The following ARHGAP11B variants were observed in gnomAD, a reference collection of about 807,000 sequenced individuals.
ARHGAP11B encodes the protein Rho GTPase activating protein 11B.
Under a neutral mutation model 27.6 loss-of-function variants are expected in ARHGAP11B, and 14 were observed. The ratio of observed to expected loss-of-function variants is 0.51; its 90% confidence interval spans 0.34 to 0.79. The LOEUF is 0.79. Ranked by LOEUF, ARHGAP11B falls within the 30% of genes least tolerant of loss-of-function variation. The probability of loss-of-function intolerance (pLI) is 0.02; values close to 1 mark genes in which losing one functional copy is unlikely to be tolerated. For synonymous variants in ARHGAP11B, 82 were observed against 114.1 expected, an observed-to-expected ratio of 0.72 and a Z score of 1.80; for missense variants, 245 against 320.1, an observed-to-expected ratio of 0.77 and a Z score of 1.79.
intron 7 of ARHGAP11B, among the ~76,000 whole-genome samples, chr15:30,640,017 GACA>G (rs1406897263): frequency 7.7e-6 from 1 of 129,362 alleles, no homozygotes; most frequent in East Asian, 2.3e-4. Flanking sequence ...TGTGTGTTAT[GACA>G]ACATCTATTG....
intron 1 of ARHGAP11B, among the ~76,000 whole-genome samples, chr15:30,629,363 G>C (rs1020210690): frequency 1.9e-5 from 2 of 105,230 alleles, no homozygotes; most frequent in Non-Finnish European, 4.4e-5. Flanking sequence ...CTAACACGGT[G>C]AACCCCCCCC....
chr15:30,646,674 A>AC (rs1555370621), intron 9 of ARHGAP11B, among the ~76,000 whole-genome samples: 34 of 150,144 alleles, frequency 2.3e-4, no homozygotes, highest in Admixed American at 4.6e-4. Context: ...AAAAAAAAAA[A>AC]ATATGTGAAA....
intron 4 of ARHGAP11B, among the ~76,000 whole-genome samples, chr15:30,634,747 T>C (rs980493023): frequency 6.6e-6 from 1 of 151,442 alleles, no homozygotes; most frequent in Non-Finnish European, 1.5e-5. Flanking sequence ...CTGCTGTCAG[T>C]GAGCCTGCTT....
intron 9 of ARHGAP11B, chr15:30,647,543 T>C (rs2060358114): frequency 1.2e-5 from 2 of 165,166 alleles, no homozygotes; most frequent in Non-Finnish European, 2.9e-5. Context: ...AATATCATTT[T>C]TGGTATACAG....
intron 1 of ARHGAP11B, among the ~76,000 whole-genome samples, 181 bp from the exon 2 acceptor site, chr15:30,630,522 T>TG (rs2140890735): frequency 6.6e-6 from 1 of 152,160 alleles, no homozygotes; most frequent in Admixed American, 6.5e-5. Flanking sequence ...CAGCATACTA[T>TG]CTAATATAGT....
intron 2 of ARHGAP11B, 121 bp downstream of exon 2, chr15:30,630,894 A>G (rs945706148): frequency 1.9e-6 from 3 of 1,545,174 alleles, no homozygotes; most frequent in African/African-American, 2.8e-5. Flanking sequence ...AGCCTGGGCA[A>G]CATGGTGAGA....
intron 7 of ARHGAP11B, among the ~76,000 whole-genome samples, chr15:30,643,029 G>C (rs2060324440): frequency 6.6e-6 from 1 of 151,946 alleles, no homozygotes; most frequent in African/African-American, 2.4e-5. Context: ...ATGGTGTGCA[G>C]TACCCTGATT....
chr15:30,644,623 T>G, intron 7 of ARHGAP11B: 1 of 1,475,562 alleles, frequency 6.8e-7, no homozygotes, highest in South Asian at 1.2e-5. Flanking sequence ...AAAGGTTTTA[T>G]TTTTTTTAAC....
At chr15:30,641,818 G>A (rs2060317539) in intron 7 of ARHGAP11B, among the ~76,000 whole-genome samples, 1 of 151,792 alleles carries the variant, frequency 6.6e-6, no homozygotes, top group African/African-American at 2.4e-5. Flanking sequence ...CGATGTTCAA[G>A]TGATTCTTGT....
At position 30,636,147 on chromosome 15, in the gene ARHGAP11B, G is replaced by C. The variant is rs2060278534; in HGVS notation, c.*3+514G>C. On this transcript the variant is annotated intron_variant, in intron 6 of 10. Transcript: ENST00000428041. Reference sequence around the variant, plus strand: ...TTAACCTGGGTGTTGGTGAATCATTGAAGATTTATGATGTGAGGCATGATA... The same window carrying C: ...TTAACCTGGGTGTTGGTGAATCATTCAAGATTTATGATGTGAGGCATGATA... 2.6e-5 allele frequency among the ~76,000 whole-genome samples: 4 copies of C among 151,580 alleles called. No individual in the cohort carries two copies. The South Asian group carries it at 8.3e-4, about 32-fold the overall frequency.
At chr15:30,631,863 C>T (rs1448905549) in intron 2 of ARHGAP11B, among the ~76,000 whole-genome samples, 3 of 149,918 alleles carry the variant, frequency 2.0e-5, no homozygotes, top group South Asian at 2.1e-4. Context: ...CTCGGCTCAC[C>T]GCAACCTTCA....
intron 7 of ARHGAP11B, chr15:30,644,494 A>C: frequency 2.0e-6 from 1 of 503,078 alleles, no homozygotes; most frequent in Non-Finnish European, 3.6e-6. Flanking sequence ...TAATCTGAAA[A>C]GGCATCGTTC....
chr15:30,646,599 C>G (rs1478969248), intron 9 of ARHGAP11B, among the ~76,000 whole-genome samples: 1 of 151,362 alleles, frequency 6.6e-6, no homozygotes, highest in Non-Finnish European at 1.5e-5. Flanking sequence ...GGGCGCGGAG[C>G]CTGCAGTGAG....
chr15:30,634,911 T>C (rs1039082700), intron 4 of ARHGAP11B, among the ~76,000 whole-genome samples, 169 bp from the exon 5 acceptor site: 1 of 151,800 alleles, frequency 6.6e-6, no homozygotes, highest in Non-Finnish European at 1.5e-5. Context: ...AGAGAGGCTA[T>C]ATATTTCTGG....
chr15:30,630,756 A>T, exon 2 of ARHGAP11B: 3 of 1,611,338 alleles, frequency 1.9e-6, no homozygotes, highest in Non-Finnish European at 2.5e-6. Context: ...CTGTACCAGA[A>T]TATGGACACA....
At chr15:30,644,519 A>G (rs1453474446) in intron 7 of ARHGAP11B, 1 of 580,626 alleles carries the variant, frequency 1.7e-6, no homozygotes, top group Non-Finnish European at 3.1e-6. Flanking sequence ...TGTTTTTGGT[A>G]ACAAATTTTA....
intron 9 of ARHGAP11B, among the ~76,000 whole-genome samples, chr15:30,647,282 A>G (rs2060356106): frequency 6.6e-6 from 1 of 151,966 alleles, no homozygotes; most frequent in African/African-American, 2.4e-5. Context: ...TTTTGGAGTC[A>G]TCCTCAGAAA....
intron 8 of ARHGAP11B, among the ~76,000 whole-genome samples, chr15:30,645,742 GA>G (rs1247186587): frequency 6.6e-6 from 1 of 151,900 alleles, no homozygotes; most frequent in African/African-American, 2.4e-5. Flanking sequence ...TAATAACTGG[GA>G]TTTGTGCTTT....
chr15:30,632,815 T>G (rs2060254341), intron 2 of ARHGAP11B, among the ~76,000 whole-genome samples: 1 of 151,986 alleles, frequency 6.6e-6, no homozygotes, highest in Non-Finnish European at 1.5e-5. Flanking sequence ...AACCTCGCCC[T>G]GTTTTTGGGT....
Sources: allele counts gnomAD v4.1 joint callset (sites outside exome capture counted in the v4.1 genomes callset), GRCh38; gene constraint gnomAD v4.1.1; transcripts MANE v1.5; gene names NCBI Gene and HGNC (gene_info 2026-07-23, HGNC 2026-07-21).